Variants in FOXP1 observed in about 807,000 individuals in gnomAD.
FOXP1 encodes the protein forkhead box P1.
FOXP1 carries 15 observed loss-of-function variants against 98.2 expected under a neutral mutation model. The ratio of observed to expected loss-of-function variants is 0.15; its 90% confidence interval spans 0.10 to 0.24. FOXP1 has a LOEUF of 0.24. Ranked by LOEUF, FOXP1 falls within the 10% of genes least tolerant of loss-of-function variation. The pLI is 1.00. For missense variants in FOXP1, 633 were observed against 848.5 expected (o/e 0.75, Z 3.15); for synonymous variants, 371 against 314.5 (o/e 1.18, Z -1.90).
chr3:71,117,222 G>C (rs2058437692), intron 6 of FOXP1, among the ~76,000 whole-genome samples: 1 of 152,052 alleles, frequency 6.6e-6, no homozygotes, highest in South Asian at 2.1e-4. Context: ...TGAATAGCTG[G>C]GACTACAGGC....
At position 71,028,987 on chromosome 3, in the gene FOXP1, C is replaced by T. The variant is rs946380088; in HGVS notation, c.869+12341G>A. On this transcript the variant is annotated intron_variant, in intron 11 of 20. Transcript: ENST00000649528. ...AGGTGGTAATGTGAGCGATGGGGAG[C>T]GGCTGTAAATACAGATGGAACTTCA... Among the ~76,000 whole-genome samples the T allele has an allele frequency of 5.9e-5, 9 of 152,152 alleles. No individual in the cohort carries two copies. The East Asian group carries it at 7.7e-4, about 13-fold the overall frequency.
At chr3:70,973,245 C>CCCCGG (rs2036710457) in intron 17 of FOXP1, among the ~76,000 whole-genome samples, 1 of 133,230 alleles carries the variant, frequency 7.5e-6, no homozygotes, top group African/African-American at 3.0e-5. Flanking sequence ...CCCGCCCCCG[C>CCCCGG]CCCGCCCCGC....
chr3:71,525,853 C>G (rs552289982), intron 2 of FOXP1, among the ~76,000 whole-genome samples: 3 of 151,988 alleles, frequency 2.0e-5, no homozygotes, highest in African/African-American at 4.8e-5. Flanking sequence ...CAGTGGCTCA[C>G]GCTTGTAATC....
At chr3:71,579,154 T>C (rs2047950128) in intron 2 of FOXP1, among the ~76,000 whole-genome samples, 8 of 152,202 alleles carry the variant, frequency 5.3e-5, no homozygotes. Context: ...TATTCTTCTG[T>C]ATGTGTTTAC....
intron 3 of FOXP1, among the ~76,000 whole-genome samples, chr3:71,481,044 C>T (rs2090234927): frequency 6.6e-6 from 1 of 152,054 alleles, no homozygotes; most frequent in African/African-American, 2.4e-5. Flanking sequence ...TATATCACTA[C>T]AATACATTGA....
chr3:71,086,509 G>A (rs546611795), intron 7 of FOXP1, among the ~76,000 whole-genome samples: 9 of 152,136 alleles, frequency 5.9e-5, no homozygotes, highest in South Asian at 4.1e-4. Context: ...TTTATTCTTC[G>A]GGAATCTAAA....
chr3:71,445,958 A>C (rs143293092), intron 3 of FOXP1, among the ~76,000 whole-genome samples: 2 of 152,216 alleles, frequency 1.3e-5, no homozygotes, highest in Admixed American at 1.3e-4. Flanking sequence ...AAGTGCTGGG[A>C]ATTACAGGTG....
chr3:71,297,853 C>A (rs998683918), intron 5 of FOXP1, among the ~76,000 whole-genome samples: 1 of 151,920 alleles, frequency 6.6e-6, no homozygotes, highest in South Asian at 2.1e-4. Context: ...GTGATCCACT[C>A]GCCTCAGCCT....
intron 5 of FOXP1, among the ~76,000 whole-genome samples, chr3:71,217,365 GC>G (rs1434853217): frequency 6.6e-6 from 1 of 152,116 alleles, no homozygotes; most frequent in East Asian, 1.9e-4. Flanking sequence ...GAGCCACTGT[GC>G]CCAGCCTAGG....
intron 6 of FOXP1, among the ~76,000 whole-genome samples, chr3:71,183,123 C>T (rs1247378525): frequency 6.6e-6 from 1 of 152,116 alleles, no homozygotes; most frequent in Non-Finnish European, 1.5e-5. Context: ...ATAAATCTTT[C>T]TGCATGCCTC....
chr3:71,404,110 TTTTC>T (rs1329962361), intron 3 of FOXP1, among the ~76,000 whole-genome samples: 9 of 86,706 alleles, frequency 1.0e-4, no homozygotes, highest in African/African-American at 2.6e-4. Flanking sequence ...GGTTTTTTTC[TTTTC>T]TTTTTCTTTT....
intron 5 of FOXP1, among the ~76,000 whole-genome samples, chr3:71,252,090 T>C (rs180806524): frequency 7.1e-6 from 1 of 139,890 alleles, no homozygotes; most frequent in Non-Finnish European, 1.5e-5. Context: ...GGAAAATGAC[T>C]TTTTTTCTTC....
chr3:70,972,483 G>A, intron 18 of FOXP1, 72 bp downstream of exon 18: 1 of 1,599,480 alleles, frequency 6.3e-7, no homozygotes, highest in East Asian at 2.2e-5. Context: ...CCATCTAGCA[G>A]CCAAAGCCTC....
chr3:71,026,605 T>C (rs919954583), intron 11 of FOXP1, among the ~76,000 whole-genome samples: 1 of 152,226 alleles, frequency 6.6e-6, no homozygotes, highest in African/African-American at 2.4e-5. Flanking sequence ...GTAAGCTATC[T>C]ATGTGACCAG....
chr3:71,429,054 C>A (rs751736322), intron 3 of FOXP1, among the ~76,000 whole-genome samples: 8 of 152,174 alleles, frequency 5.3e-5, no homozygotes, highest in African/African-American at 1.9e-4. Context: ...TTATTACAGC[C>A]GGCAAGCACG....
At chr3:71,198,441 A>G (rs1479193294) in intron 5 of FOXP1, 49 bp from the exon 6 acceptor site, 1 of 1,303,140 alleles carries the variant, frequency 7.7e-7, no homozygotes, top group Non-Finnish European at 1.1e-6. Context: ...GGAGAAAAAA[A>G]AAGCAGCTGT....
chr3:71,363,128 A>T (rs1015475292), intron 3 of FOXP1, among the ~76,000 whole-genome samples: 6 of 129,676 alleles, frequency 4.6e-5, no homozygotes, highest in African/African-American at 8.4e-5. Context: ...GAATAACTTT[A>T]AAAAAAAAAG....
intron 14 of FOXP1, among the ~76,000 whole-genome samples, chr3:70,982,934 CTG>C (rs890320277): frequency 2.0e-5 from 3 of 152,218 alleles, no homozygotes; most frequent in African/African-American, 7.2e-5. Context: ...AGGGACACAA[CTG>C]CGTAGTAGGG....
At chr3:71,124,156 TAC>T (rs1245619502) in intron 6 of FOXP1, among the ~76,000 whole-genome samples, 1 of 148,180 alleles carries the variant, frequency 6.7e-6, no homozygotes, top group Admixed American at 6.8e-5. Flanking sequence ...AAAAAAATGA[TAC>T]AGAGGGACTC....
Sources: allele counts gnomAD v4.1 joint callset (sites outside exome capture counted in the v4.1 genomes callset), GRCh38; gene constraint gnomAD v4.1.1; transcripts MANE v1.5; gene names NCBI Gene and HGNC (gene_info 2026-07-23, HGNC 2026-07-21).